Variants in ADD1 observed in about 807,000 individuals in gnomAD.
The protein encoded by ADD1 is adducin 1.
Under a neutral mutation model 80.5 loss-of-function variants are expected in ADD1, and 24 were observed. That is an observed-to-expected ratio of 0.30 (90% CI 0.22 to 0.42). The LOEUF (loss-of-function observed/expected upper bound fraction) is 0.42. Ranked by LOEUF, ADD1 falls within the 10% of genes least tolerant of loss-of-function variation. The pLI, the probability that ADD1 is intolerant of heterozygous loss-of-function variation, is 1.00. For missense variants in ADD1, 948 were observed against 1,019.0 expected (o/e 0.93, Z 0.95); for synonymous variants, 373 against 393.8 (o/e 0.95, Z 0.63).
chr4:2,894,159 G>T, intron 5 of ADD1, 66 bp downstream of exon 5: 1 of 1,293,578 alleles, frequency 7.7e-7, no homozygotes, highest in South Asian at 1.2e-5. Flanking sequence ...AACATCTTCA[G>T]ATCAGCTAAA....
At chr4:2,921,858 C>A (rs1740104099) in intron 14 of ADD1, among the ~76,000 whole-genome samples, 1 of 151,648 alleles carries the variant, frequency 6.6e-6, no homozygotes, top group African/African-American at 2.4e-5. Flanking sequence ...TTCTTTTAAT[C>A]TTTACACTTT....
At chr4:2,889,936 C>T (rs1734022007) in intron 4 of ADD1, among the ~76,000 whole-genome samples, 1 of 152,140 alleles carries the variant, frequency 6.6e-6, no homozygotes, top group Non-Finnish European at 1.5e-5. Context: ...CAGTGGCTCA[C>T]GCCTGTAATC....
At chr4:2,917,574 C>G (rs1317676241) in intron 14 of ADD1, among the ~76,000 whole-genome samples, 1 of 152,130 alleles carries the variant, frequency 6.6e-6, no homozygotes, top group Non-Finnish European at 1.5e-5. Flanking sequence ...GTTGCCATTG[C>G]TTTTGGTGTT....
At chr4:2,889,525 T>C (rs1577582202) in intron 4 of ADD1, among the ~76,000 whole-genome samples, 3 of 152,282 alleles carry the variant, frequency 2.0e-5, no homozygotes, top group Non-Finnish European at 4.4e-5. Context: ...TTTTTCCTTA[T>C]TAAAAGATAC....
rs1302536226 is a variant in ADD1, at chr4:2,883,111, C to T, written c.358+1051C>T. 2.0e-5 allele frequency among the ~76,000 whole-genome samples: 3 copies of T among 152,222 alleles called. No individual in the cohort carries two copies. The South Asian group carries it at 6.2e-4, about 32-fold the overall frequency. On this transcript the variant is annotated intron_variant, in intron 3 of 15. Coordinates refer to ENST00000683351, the MANE Select transcript of ADD1 (RefSeq NM_001354761.2). ...TCCTGACCACAAGTGATCCACTCGC[C>T]TCAGCCTCCCTAAGTGCTGGGATTA...
chr4:2,869,316 G>T (rs1730050676), intron 1 of ADD1, among the ~76,000 whole-genome samples: 1 of 152,192 alleles, frequency 6.6e-6, no homozygotes, highest in Non-Finnish European at 1.5e-5. Context: ...TAGCTCGGTA[G>T]TCGGCAGTCC....
intron 4 of ADD1, among the ~76,000 whole-genome samples, chr4:2,885,684 A>G (rs1213366918): frequency 6.6e-6 from 1 of 150,644 alleles, no homozygotes; most frequent in Non-Finnish European, 1.5e-5. Flanking sequence ...ATCTCGGCTC[A>G]CTGCAAGCTC....
intron 1 of ADD1, among the ~76,000 whole-genome samples, chr4:2,867,197 T>C (rs997425112): frequency 1.3e-5 from 2 of 152,234 alleles, no homozygotes; most frequent in African/African-American, 2.4e-5. Flanking sequence ...CAGTGGTCTT[T>C]ATAGGGTCTT....
intron 14 of ADD1, among the ~76,000 whole-genome samples, chr4:2,916,616 G>A (rs1042493478): frequency 2.6e-5 from 4 of 152,068 alleles, no homozygotes; most frequent in African/African-American, 9.7e-5. Flanking sequence ...CACGTGCCGT[G>A]GTGGTGGCAC....
At chr4:2,877,761 G>C (rs991947087) in intron 2 of ADD1, among the ~76,000 whole-genome samples, 1 of 152,150 alleles carries the variant, frequency 6.6e-6, no homozygotes, top group Non-Finnish European at 1.5e-5. Context: ...CAAGGCAGTG[G>C]ATCACTTGAG....
At chr4:2,862,117 G>A (rs537336490) in intron 1 of ADD1, among the ~76,000 whole-genome samples, 1 of 152,314 alleles carries the variant, frequency 6.6e-6, no homozygotes, top group African/African-American at 2.4e-5. Context: ...GGATAGAAGA[G>A]GTAGAACAGC....
At chr4:2,878,509 G>T (rs958091097) in intron 2 of ADD1, among the ~76,000 whole-genome samples, 1 of 152,102 alleles carries the variant, frequency 6.6e-6, no homozygotes, top group East Asian at 1.9e-4. Flanking sequence ...AAATGACTCG[G>T]GATAGTTGAG....
At chr4:2,858,909 A>G (rs1728451751) in intron 1 of ADD1, among the ~76,000 whole-genome samples, 1 of 152,244 alleles carries the variant, frequency 6.6e-6, no homozygotes, top group Non-Finnish European at 1.5e-5. Flanking sequence ...ATTATTTCTA[A>G]TTGCCCCAAC....
intron 9 of ADD1, chr4:2,901,913 A>ATT (rs1174012141): frequency 4.3e-5 from 5 of 116,364 alleles, no homozygotes; most frequent in African/African-American, 1.6e-4. Context: ...ATCCATATAT[A>ATT]TTTTCTCTTT....
chr4:2,844,983 C>T (rs542508747), intron 1 of ADD1: 2 of 151,292 alleles, frequency 1.3e-5, no homozygotes, highest in African/African-American at 4.9e-5. Context: ...TCAACAGGCA[C>T]CAGAGAGAGG....
rs759803548 is a variant in ADD1 at position 2,905,126 on chromosome 4, T to C, written c.1506+18T>C. 8.7e-6 allele frequency: 14 copies of C among 1,610,002 alleles called. No individual in the cohort carries two copies. In the Admixed American group the frequency reaches 1.5e-4, roughly 17 times the overall value. On this transcript the variant is annotated intron_variant, in intron 10 of 15. Coordinates refer to ENST00000683351, the MANE Select transcript of ADD1 (RefSeq NM_001354761.2). Reference sequence around the variant, plus strand: ...ACTGCTTGGTCTGTGCCTACCTTACTGTTCATAGTTAGATGACGTAGAGCA... The same window carrying C: ...ACTGCTTGGTCTGTGCCTACCTTACCGTTCATAGTTAGATGACGTAGAGCA...
chr4:2,927,322 G>C (rs556168730), intron 15 of ADD1, among the ~76,000 whole-genome samples: 2 of 152,220 alleles, frequency 1.3e-5, no homozygotes, highest in African/African-American at 4.8e-5. Context: ...GCAGGGTGGG[G>C]GTGCTTCCAG....
intron 1 of ADD1, among the ~76,000 whole-genome samples, chr4:2,852,171 TTTC>T (rs1727225547): frequency 1.4e-5 from 1 of 72,144 alleles, no homozygotes; most frequent in Non-Finnish European, 2.6e-5. Flanking sequence ...TCTTTCTTTC[TTTC>T]TTTCTTTCTT....
At chr4:2,875,787 C>G (rs1731184599) in intron 1 of ADD1, 109 bp from the exon 2 acceptor site, 1 of 915,252 alleles carries the variant, frequency 1.1e-6, no homozygotes, top group Non-Finnish European at 1.6e-6. Flanking sequence ...GTCAGTTGGT[C>G]ATTACATCCT....
Sources: gnomAD v4.1 joint callset for allele counts (sites outside exome capture counted in the v4.1 genomes callset) on GRCh38, gnomAD v4.1.1 for gene constraint, MANE v1.5 for transcripts, NCBI Gene and HGNC (gene_info 2026-07-23, HGNC 2026-07-21) for gene names.